Variants in PEX14 observed in about 807,000 individuals in gnomAD.
The protein encoded by PEX14 is peroxisomal biogenesis factor 14.
Under a neutral mutation model 49.5 loss-of-function variants are expected in PEX14, and 15 were observed. The ratio of observed to expected loss-of-function variants is 0.30; its 90% CI spans 0.20 to 0.47. The LOEUF is 0.47. Ranked by LOEUF, PEX14 falls within the 20% of genes least tolerant of loss-of-function variation. The pLI is 1.00. For synonymous variants in PEX14, 210 were observed against 212.7 expected, an observed-to-expected ratio of 0.99 and a Z score of 0.11; for missense variants, 398 against 494.8, an observed-to-expected ratio of 0.80 and a Z score of 1.86.
chr1:10,576,796 C>T (rs11121597), intron 3 of PEX14, among the ~76,000 whole-genome samples: 23,479 of 148,348 alleles, frequency 0.16, 2,152 homozygotes, highest in South Asian at 0.31. Flanking sequence ...TTGCTCGTAT[C>T]GCCCAAGCTG....
At chr1:10,568,332 C>T (rs1225592289) in intron 3 of PEX14, among the ~76,000 whole-genome samples, 4 of 141,460 alleles carry the variant, frequency 2.8e-5, no homozygotes, top group Admixed American at 1.4e-4. Flanking sequence ...TTCCCCCCCC[C>T]CCCCCCACTC....
chr1:10,622,855 G>T (rs953570327), intron 5 of PEX14, among the ~76,000 whole-genome samples, 164 bp from the exon 6 acceptor site: 10 of 152,136 alleles, frequency 6.6e-5, no homozygotes, highest in Non-Finnish European at 1.5e-5. Context: ...GGTTGTAATC[G>T]CAGTCTCATA....
chr1:10,518,045 C>T (rs552630363), intron 2 of PEX14, among the ~76,000 whole-genome samples: 3 of 152,202 alleles, frequency 2.0e-5, no homozygotes, highest in African/African-American at 7.2e-5. Flanking sequence ...CAGAAAATTT[C>T]AGACCTTTAT....
intron 2 of PEX14, among the ~76,000 whole-genome samples, chr1:10,520,153 T>TTTTTTTTTTTGTTTTTTTTTG (rs754714815): frequency 1.1e-5 from 1 of 91,914 alleles, no homozygotes; most frequent in Non-Finnish European, 2.4e-5. Context: ...TTCTTCTTTT[T>TTTTTTTTTTTGTTTTTTTTTG]TTTTTTTTTG....
intron 3 of PEX14, among the ~76,000 whole-genome samples, chr1:10,592,351 C>A (rs961670158): frequency 6.6e-6 from 1 of 151,790 alleles, no homozygotes; most frequent in African/African-American, 2.4e-5. Flanking sequence ...CCTCTGGAAT[C>A]GATCAAATAT....
chr1:10,501,451 G>T lies in PEX14; in HGVS notation c.84+6130G>T, dbSNP rs191239305. ...CTCCCGAGTAGCTGGGACTACAGGC[G>T]CCCGCCACCTCGCCCGGCTTTTTGT... On this transcript the variant is annotated intron_variant, in intron 2 of 8. Transcript: ENST00000356607. 3.9e-4 allele frequency among the ~76,000 whole-genome samples: 59 copies of T among 152,172 alleles called. 1 individual carries two copies. The East Asian group carries it at 0.011, about 28-fold the overall frequency.
At chr1:10,534,399 T>C (rs1175942448) in intron 2 of PEX14, among the ~76,000 whole-genome samples, 5 of 151,988 alleles carry the variant, frequency 3.3e-5, no homozygotes, top group Non-Finnish European at 7.4e-5. Context: ...TCCCCCTCTC[T>C]CCTGTTATAG....
At chr1:10,601,433 G>T (rs1018084202) in intron 4 of PEX14, among the ~76,000 whole-genome samples, 3 of 152,160 alleles carry the variant, frequency 2.0e-5, no homozygotes, top group Non-Finnish European at 4.4e-5. Flanking sequence ...GATCTTGGCA[G>T]TAGAGCCAAA....
At chr1:10,621,688 T>A (rs1461761431) in intron 5 of PEX14, among the ~76,000 whole-genome samples, 1 of 152,178 alleles carries the variant, frequency 6.6e-6, no homozygotes, top group Non-Finnish European at 1.5e-5. Context: ...CATCCTGAAG[T>A]GTAAGGCTAC....
intron 3 of PEX14, among the ~76,000 whole-genome samples, chr1:10,591,978 A>G (rs1640681601): frequency 6.6e-6 from 1 of 152,204 alleles, no homozygotes; most frequent in South Asian, 2.1e-4. Context: ...GAAAAAGAAC[A>G]GGAGAGAGGT....
rs1015656083 is a variant in PEX14, at chr1:10,537,089, A to G, written c.169+792A>G. Among the ~76,000 whole-genome samples the G allele has an allele frequency of 3.3e-5, 5 of 152,138 alleles. No homozygotes were observed. In the East Asian group the frequency reaches 9.6e-4, roughly 29 times the overall value. On this transcript the variant is annotated intron_variant, in intron 3 of 8. Coordinates refer to ENST00000356607, the MANE Select transcript of PEX14 (RefSeq NM_004565.3). ...TTGAAATTCTGAGTTTTGAGCTTTC[A>G]GTCATTTTTGGCTGGAATAGGTGGG...
At chr1:10,559,957 C>T (rs1639604748) in intron 3 of PEX14, among the ~76,000 whole-genome samples, 1 of 152,126 alleles carries the variant, frequency 6.6e-6, no homozygotes, top group Non-Finnish European at 1.5e-5. Flanking sequence ...CTGCTTTCGG[C>T]GTGTGTCTTC....
chr1:10,559,997 T>G (rs1478779937), intron 3 of PEX14, among the ~76,000 whole-genome samples: 1 of 152,152 alleles, frequency 6.6e-6, no homozygotes, highest in African/African-American at 2.4e-5. Context: ...TTCCCATTGC[T>G]CCTAGGATCA....
intron 3 of PEX14, among the ~76,000 whole-genome samples, chr1:10,552,287 C>G (rs1272342648): frequency 6.6e-6 from 1 of 151,938 alleles, no homozygotes; most frequent in African/African-American, 2.4e-5. Flanking sequence ...ACTAAAAATA[C>G]AAAAATTAGC....
At chr1:10,534,533 A>G (rs1230156687) in intron 2 of PEX14, among the ~76,000 whole-genome samples, 1 of 150,378 alleles carries the variant, frequency 6.6e-6, no homozygotes, top group African/African-American at 2.5e-5. Flanking sequence ...AGTGTTGTAG[A>G]TGTTTGTTAG....
chr1:10,624,845 G>A (rs773419309), intron 7 of PEX14, among the ~76,000 whole-genome samples: 2 of 152,126 alleles, frequency 1.3e-5, no homozygotes, highest in East Asian at 1.9e-4. Context: ...GGGGAGAAGC[G>A]AGTCGCAGTC....
At chr1:10,616,323 G>A (rs1260114420) in intron 4 of PEX14, among the ~76,000 whole-genome samples, 1 of 152,270 alleles carries the variant, frequency 6.6e-6, no homozygotes, top group South Asian at 2.1e-4. Flanking sequence ...CTCCTCCCCT[G>A]TGGTCATAAA....
At chr1:10,551,156 A>C (rs1321142383) in intron 3 of PEX14, among the ~76,000 whole-genome samples, 2 of 152,176 alleles carry the variant, frequency 1.3e-5, no homozygotes, top group Non-Finnish European at 1.5e-5. Flanking sequence ...CAGCAAATAC[A>C]TGGGTTATAT....
At chr1:10,575,180 A>G (rs1640086683) in intron 3 of PEX14, among the ~76,000 whole-genome samples, 2 of 152,204 alleles carry the variant, frequency 1.3e-5, no homozygotes, top group Admixed American at 1.3e-4. Flanking sequence ...TGCATTGTCA[A>G]TTTATACCAT....
Sources: allele counts gnomAD v4.1 joint callset (sites outside exome capture counted in the v4.1 genomes callset), GRCh38; gene constraint gnomAD v4.1.1; transcripts MANE v1.5; gene names NCBI Gene and HGNC (gene_info 2026-07-23, HGNC 2026-07-21).